The following GNG7 variants were observed in gnomAD, a reference collection of about 807,000 sequenced individuals.
The protein encoded by GNG7 is G protein subunit gamma 7, also known as guanine nucleotide-binding protein G(I)/G(S)/G(O) subunit gamma-7.
GNG7 carries 1 observed loss-of-function variant against 4.0 expected under a neutral mutation model. The observed-to-expected ratio is 0.25, with a 90% CI of 0.09 to 1.18. GNG7 has a LOEUF of 1.18. Among genes scored for constraint, GNG7 ranks in the 50% most tolerant of loss-of-function variants. The pLI is 0.50. For missense variants in GNG7, 86 were observed against 91.9 expected (o/e 0.94, Z 0.26); for synonymous variants, 34 against 36.9 (o/e 0.92, Z 0.29).
chr19:2,540,705 G>A (rs895685429), intron 3 of GNG7, among the ~76,000 whole-genome samples: 12 of 152,170 alleles, frequency 7.9e-5, no homozygotes, highest in Non-Finnish European at 1.2e-4. Context: ...AGCGAGGCCC[G>A]CCGGGCAGCG....
rs531798847 is a variant in GNG7, at chr19:2,623,582, A to G, written c.-78+22642T>C. ...CGTCACGCTCAGTGAGAGAACCCAG[A>G]CACAAAAAACCAAATTGGCCAGGTG... On this transcript the variant is annotated intron_variant, in intron 2 of 4. Transcript: ENST00000382159. 2.6e-5 allele frequency among the ~76,000 whole-genome samples: 4 copies of G among 152,322 alleles called. No homozygotes were observed. The South Asian group carries it at 8.3e-4, about 32-fold the overall frequency.
At chr19:2,643,043 C>G in intron 2 of GNG7, 1 of 454,052 alleles carries the variant, frequency 2.2e-6, no homozygotes, top group African/African-American at 2.0e-5. Flanking sequence ...ACCAGAAATG[C>G]AAAGTCTGAG....
intron 2 of GNG7, among the ~76,000 whole-genome samples, chr19:2,558,162 G>A (rs1394616844): frequency 6.6e-6 from 1 of 152,084 alleles, no homozygotes; most frequent in South Asian, 2.1e-4. Context: ...CTTTTAGGTG[G>A]CTGGAAATAC....
intron 2 of GNG7, among the ~76,000 whole-genome samples, chr19:2,621,913 T>C (rs1981882873): frequency 6.6e-6 from 1 of 152,004 alleles, no homozygotes; most frequent in Non-Finnish European, 1.5e-5. Context: ...TCCAGAACCG[T>C]GAGAGGACAC....
chr19:2,591,011 C>G (rs1206462496), intron 2 of GNG7, among the ~76,000 whole-genome samples: 2 of 152,162 alleles, frequency 1.3e-5, no homozygotes, highest in East Asian at 1.9e-4. Context: ...ATTTGCAAAT[C>G]CTGGTGCAAT....
In GNG7 at chr19:2,513,678, G is replaced by A. The variant is rs959930314; in HGVS notation, c.*1344C>T. On this transcript the variant is annotated 3_prime_UTR_variant, in exon 5 of 5. Coordinates refer to ENST00000382159, the MANE Select transcript of GNG7 (RefSeq NM_052847.3). Reference sequence around the variant, plus strand: ...CGACAGGGTAACGTTTTGAGCGGACGTTTTGATCTCCGGGACAACGTCTCA... The same window carrying A: ...CGACAGGGTAACGTTTTGAGCGGACATTTTGATCTCCGGGACAACGTCTCA... 3.7e-6 allele frequency: 2 copies of A among 537,064 alleles called. No homozygotes were observed. Among genetic ancestry groups the A allele is most frequent in the Non-Finnish European group, 4.8e-6 (2 of 420,564 alleles). The allele number at this position is 537,064 out of a possible 1,614,324, so 33.3% of individuals were successfully genotyped here.
chr19:2,684,417 G>T (rs966896389), intron 1 of GNG7, among the ~76,000 whole-genome samples: 2 of 151,010 alleles, frequency 1.3e-5, no homozygotes, highest in Non-Finnish European at 2.9e-5. Context: ...TGACAGGCGT[G>T]AGCCACCGTG....
At chr19:2,522,571 A>C (rs1239215031) in intron 3 of GNG7, among the ~76,000 whole-genome samples, 2 of 151,534 alleles carry the variant, frequency 1.3e-5, no homozygotes, top group South Asian at 2.1e-4. Flanking sequence ...TCAGGAGATC[A>C]AGACCATCCT....
chr19:2,601,176 T>C (rs1981188780), intron 2 of GNG7, among the ~76,000 whole-genome samples: 1 of 152,084 alleles, frequency 6.6e-6, no homozygotes, highest in Admixed American at 6.6e-5. Flanking sequence ...ATGTAAAAAA[T>C]AGAACTAAGG....
At chr19:2,605,362 C>A (rs7250648) in intron 2 of GNG7, among the ~76,000 whole-genome samples, 12,202 of 151,752 alleles carry the variant, frequency 0.08, 1,624 homozygotes, top group African/African-American at 0.28. Flanking sequence ...CCATGCCCAG[C>A]TAATTTTTGT....
intron 1 of GNG7, among the ~76,000 whole-genome samples, chr19:2,658,448 G>A (rs756992440): frequency 1.4e-4 from 21 of 151,624 alleles, no homozygotes; most frequent in Non-Finnish European, 3.1e-4. Context: ...TACATCCCCC[G>A]AAACCAAAAT....
At chr19:2,568,817 T>C (rs1980050509) in intron 2 of GNG7, among the ~76,000 whole-genome samples, 2 of 151,370 alleles carry the variant, frequency 1.3e-5, no homozygotes, top group South Asian at 2.1e-4. Context: ...TACACACACA[T>C]ATACACACAA....
At position 2,654,757 on chromosome 19, in the gene GNG7, G is replaced by A. The variant is rs551408015; in HGVS notation, c.-134-8477C>T. 1.0e-4 allele frequency among the ~76,000 whole-genome samples: 12 copies of A among 117,424 alleles called. No homozygotes were observed. The South Asian group carries it at 1.3e-3, about 13-fold the overall frequency. 77.0% of individuals were successfully genotyped at this position (117,424 alleles called of 152,430 possible). On this transcript the variant is annotated intron_variant, in intron 1 of 4. Transcript: ENST00000382159. ...GAGACGCAATTCAATTATTTTTTTC[G>A]AAATAATGAATGCAGGGTCTCCCCC...
intron 2 of GNG7, among the ~76,000 whole-genome samples, chr19:2,586,242 C>G (rs1980669747): frequency 6.6e-6 from 1 of 152,186 alleles, no homozygotes; most frequent in African/African-American, 2.4e-5. Flanking sequence ...TTCCACTGCC[C>G]CACCCTCCAG....
chr19:2,548,648 G>A (rs1040924238), intron 3 of GNG7, among the ~76,000 whole-genome samples: 1 of 151,798 alleles, frequency 6.6e-6, no homozygotes, highest in African/African-American at 2.4e-5. Context: ...AATTAGCCGG[G>A]CCTGGTGGCG....
At chr19:2,660,052 C>T (rs887988278) in intron 1 of GNG7, among the ~76,000 whole-genome samples, 6 of 152,118 alleles carry the variant, frequency 3.9e-5, no homozygotes, top group African/African-American at 9.7e-5. Flanking sequence ...GGGGCCATGG[C>T]GGCGAGCGGA....
intron 1 of GNG7, among the ~76,000 whole-genome samples, chr19:2,694,467 C>T (rs186105317): frequency 5.3e-5 from 8 of 151,420 alleles, no homozygotes; most frequent in Admixed American, 1.3e-4. Flanking sequence ...CTGCAGTGCC[C>T]AGGACGGCCC....
At chr19:2,580,272 CTCTG>C (rs1980464329) in intron 2 of GNG7, among the ~76,000 whole-genome samples, 1 of 143,268 alleles carries the variant, frequency 7.0e-6, no homozygotes, top group Non-Finnish European at 1.5e-5. Context: ...CCCTGCTGCT[CTCTG>C]TCTGGTTCTA....
rs1416265364 is a variant in GNG7, at chr19:2,653,568, T to C, written c.-134-7288A>G. On this transcript the variant is annotated intron_variant, in intron 1 of 4. Coordinates refer to ENST00000382159, the MANE Select transcript of GNG7 (RefSeq NM_052847.3). The surrounding 1 kb of genome is among the most constrained non-coding windows in gnomAD (Gnocchi z 4.8). ...CGAAGTCTATTTTTTTCCAGATGAA[T>C]GTAGGGTCTCCCCCTCGGCACTGTG... 1.3e-5 allele frequency among the ~76,000 whole-genome samples: 2 copies of C among 152,136 alleles called. No homozygotes were observed. The highest frequency in any genetic ancestry group is 1.5e-5 in the Non-Finnish European group (1 of 68,010).
Sources: allele counts gnomAD v4.1 joint callset (sites outside exome capture counted in the v4.1 genomes callset), GRCh38; gene constraint gnomAD v4.1.1; non-coding constraint Gnocchi (gnomAD v3.1); transcripts MANE v1.5; gene names NCBI Gene and HGNC (gene_info 2026-07-23, HGNC 2026-07-21).